Variants in AGBL4 observed in about 807,000 individuals in gnomAD.
AGBL4 encodes the protein cytosolic carboxypeptidase 6.
A neutral mutation model predicts 66.4 loss-of-function variants in AGBL4; 58 were observed. That is an observed-to-expected ratio of 0.87 (90% CI 0.71 to 1.09). The LOEUF (loss-of-function observed/expected upper bound fraction) is 1.09. Ranked by LOEUF, AGBL4 falls within the 50% of genes least tolerant of loss-of-function variation. The probability of loss-of-function intolerance (pLI) is 0.00; values close to 1 mark genes in which losing one functional copy is unlikely to be tolerated. For missense variants in AGBL4, 579 were observed against 631.0 expected, an observed-to-expected ratio of 0.92 and a Z score of 0.88; for synonymous variants, 234 against 222.9, an observed-to-expected ratio of 1.05 and a Z score of -0.44.
intron 5 of AGBL4, among the ~76,000 whole-genome samples, chr1:49,010,141 G>C (rs1436448570): frequency 6.6e-6 from 1 of 152,072 alleles, no homozygotes; most frequent in Admixed American, 6.6e-5. Flanking sequence ...CATTGACTCA[G>C]CCCAAAATCT....
intron 6 of AGBL4, among the ~76,000 whole-genome samples, chr1:48,857,407 A>C (rs971386933): frequency 1.3e-5 from 2 of 152,226 alleles, no homozygotes; most frequent in African/African-American, 4.8e-5. Flanking sequence ...TAAGAGATAA[A>C]GCTATAAAAT....
chr1:49,973,095 G>A (rs1055018353), intron 1 of AGBL4, among the ~76,000 whole-genome samples: 3 of 152,144 alleles, frequency 2.0e-5, no homozygotes, highest in Admixed American at 2.0e-4. Flanking sequence ...AGCCCATAAG[G>A]TGCCTTTGTA....
Position 49,829,000 on chromosome 1 carries a change from C to T in AGBL4, c.157+22396G>A, listed in dbSNP as rs1349952305. The stretch of plus-strand genomic sequence containing the variant: ...AGGAGAATGGCGTGAACCCGGGAGG[C>T]GGAGCTTGCAGTCAGCCAAGATAGC... On this transcript the variant is annotated intron_variant, in intron 2 of 13. Transcript: ENST00000371839. 2.7e-5 allele frequency among the ~76,000 whole-genome samples: 4 copies of T among 150,764 alleles called. No individual in the cohort carries two copies. In the East Asian group the frequency reaches 7.8e-4, roughly 30 times the overall value.
chr1:50,012,973 T>G (rs1308111788), intron 1 of AGBL4, among the ~76,000 whole-genome samples: 5 of 152,188 alleles, frequency 3.3e-5, no homozygotes, highest in East Asian at 3.8e-4. Context: ...GAATCATAAT[T>G]TGTTTCAGTA....
intron 6 of AGBL4, among the ~76,000 whole-genome samples, chr1:48,776,037 C>A (rs1032923358): frequency 6.6e-6 from 1 of 152,194 alleles, no homozygotes; most frequent in African/African-American, 2.4e-5. Context: ...ATGGCCTCCT[C>A]ATCCTGTCCA....
At chr1:49,291,456 G>C (rs1365971554) in intron 3 of AGBL4, among the ~76,000 whole-genome samples, 2 of 152,174 alleles carry the variant, frequency 1.3e-5, no homozygotes, top group Non-Finnish European at 2.9e-5. Flanking sequence ...GAAATAGACT[G>C]TGGTATAACA....
chr1:48,655,604 C>T (rs1366807420), intron 7 of AGBL4, among the ~76,000 whole-genome samples: 1 of 152,184 alleles, frequency 6.6e-6, no homozygotes, highest in African/African-American at 2.4e-5. Context: ...ATCAGAGATC[C>T]TGTGTTAGCT....
At chr1:48,594,312 G>A (rs967875706) in intron 9 of AGBL4, among the ~76,000 whole-genome samples, 2 of 152,124 alleles carry the variant, frequency 1.3e-5, no homozygotes, top group African/African-American at 4.8e-5. Context: ...CAACAAGAGT[G>A]AAACTCCATC....
At chr1:49,625,632 G>A (rs888677927) in intron 3 of AGBL4, among the ~76,000 whole-genome samples, 5 of 152,210 alleles carry the variant, frequency 3.3e-5, no homozygotes, top group Non-Finnish European at 7.4e-5. Flanking sequence ...TGAACCCCAA[G>A]GAGCACAAAT....
rs144248091 is a variant in AGBL4, at chr1:49,741,149, G to A, written c.158-43712C>T. On this transcript the variant is annotated intron_variant, in intron 2 of 13. Coordinates refer to ENST00000371839, the MANE Select transcript of AGBL4 (RefSeq NM_032785.4). ...AAAGGATCAACAAAATTGATAGACC[G>A]CTAGCAAGACTAATAAAGAAGAAAA... 7.0e-3 allele frequency among the ~76,000 whole-genome samples: 1,062 copies of A among 152,054 alleles called. 17 individuals are homozygous for A. The highest frequency in any genetic ancestry group is 0.025 in the African/African-American group (1,025 of 41,476).
intron 2 of AGBL4, among the ~76,000 whole-genome samples, chr1:49,783,070 C>T (rs1644374067): frequency 6.6e-6 from 1 of 151,818 alleles, no homozygotes; most frequent in South Asian, 2.1e-4. Context: ...CCTTGCCAGA[C>T]ACTGAATTTG....
intron 4 of AGBL4, among the ~76,000 whole-genome samples, chr1:49,236,120 C>T (rs1650721375): frequency 1.3e-5 from 2 of 152,048 alleles, no homozygotes; most frequent in Non-Finnish European, 2.9e-5. Context: ...ACCTCCTCCT[C>T]CCAGGAACAA....
chr1:49,107,124 A>G (rs571122288), intron 4 of AGBL4, among the ~76,000 whole-genome samples: 8 of 152,244 alleles, frequency 5.3e-5, no homozygotes, highest in Non-Finnish European at 1.0e-4. Flanking sequence ...ATATACAGAC[A>G]GTCTTCAATT....
In AGBL4 at chr1:49,703,199, CA is replaced by C. The variant is rs1056242415; in HGVS notation, c.158-5763del. Among the ~76,000 whole-genome samples, 1,040 of 132,660 alleles carry C rather than the reference CA, an allele frequency of 7.8e-3. 9 individuals carry two copies. The highest frequency in any genetic ancestry group is 6.9e-3 in the South Asian group (29 of 4,190). The allele number at this position is 132,660 out of a possible 152,430, so 87.0% of individuals were successfully genotyped here. A position where few individuals can be genotyped will look rare whatever the true frequency, so the allele number is the denominator to read the frequency against. ...AGAAAAACCTAAGGAATCCACATACCAAAAAAAAAAAACTATTTGAGCTAAA... is the reference window on the plus strand; with the variant it reads ...AGAAAAACCTAAGGAATCCACATACCAAAAAAAAAAACTATTTGAGCTAAA... On this transcript the variant is annotated intron_variant, in intron 2 of 13. Transcript: ENST00000371839.
At chr1:49,040,754 C>T (rs147708901) in intron 5 of AGBL4, among the ~76,000 whole-genome samples, 4 of 152,096 alleles carry the variant, frequency 2.6e-5, no homozygotes, top group East Asian at 1.9e-4. Flanking sequence ...GTCAGCAGAT[C>T]GGCAGTTACC....
chr1:49,716,933 T>G (rs1388283853), intron 2 of AGBL4, among the ~76,000 whole-genome samples: 2 of 152,014 alleles, frequency 1.3e-5, no homozygotes, highest in Non-Finnish European at 2.9e-5. Flanking sequence ...TCCAGGGCAA[T>G]CAGGCAAGAG....
At chr1:49,809,048 A>G (rs976680961) in intron 2 of AGBL4, among the ~76,000 whole-genome samples, 3 of 152,202 alleles carry the variant, frequency 2.0e-5, no homozygotes, top group African/African-American at 7.2e-5. Context: ...CAATCAGTGT[A>G]AATATGGAGT....
intron 3 of AGBL4, among the ~76,000 whole-genome samples, chr1:49,579,630 G>T (rs574269614): frequency 6.6e-6 from 1 of 152,218 alleles, no homozygotes; most frequent in East Asian, 1.9e-4. Flanking sequence ...CTCCCGAGTA[G>T]CTGGGACTAC....
intron 5 of AGBL4, among the ~76,000 whole-genome samples, chr1:49,006,151 G>A (rs1170728348): frequency 9.9e-5 from 15 of 152,194 alleles, no homozygotes; most frequent in Admixed American, 1.3e-4. Flanking sequence ...GACAGTGGGC[G>A]CAGGTCAGTG....
Sources: gnomAD v4.1 joint callset for allele counts (sites outside exome capture counted in the v4.1 genomes callset) on GRCh38, gnomAD v4.1.1 for gene constraint, MANE v1.5 for transcripts, NCBI Gene and HGNC (gene_info 2026-07-23, HGNC 2026-07-21) for gene names.